Variants in NFAT5 observed in about 807,000 individuals in gnomAD.
The protein encoded by NFAT5 is nuclear factor of activated T-cells 5.
A neutral mutation model predicts 166.5 loss-of-function variants in NFAT5; 31 were observed. The ratio of observed to expected loss-of-function variants is 0.19; its 90% confidence interval spans 0.14 to 0.25. The LOEUF is 0.25. NFAT5 is among the 10% of genes least tolerant of loss of function. NFAT5 has a pLI of 1.00. For synonymous variants in NFAT5, 612 were observed against 639.7 expected (o/e 0.96, Z 0.65); for missense variants, 1,449 against 1,821.8 (o/e 0.80, Z 3.72).
At chr16:69,622,320 T>G (rs2034237531) in intron 2 of NFAT5, among the ~76,000 whole-genome samples, 1 of 152,242 alleles carries the variant, frequency 6.6e-6, no homozygotes, top group Admixed American at 6.5e-5. Context: ...AATGACTATA[T>G]GAACTGTAGC....
At chr16:69,591,267 A>C (rs1486519021) in intron 2 of NFAT5, among the ~76,000 whole-genome samples, 1 of 152,094 alleles carries the variant, frequency 6.6e-6, no homozygotes, top group East Asian at 1.9e-4. Flanking sequence ...AGTTGGTATG[A>C]AAAAAGTATT....
At chr16:69,585,311 ATT>A in intron 2 of NFAT5, among the ~76,000 whole-genome samples, 1 of 145,902 alleles carries the variant, frequency 6.9e-6, no homozygotes, top group South Asian at 2.2e-4. Flanking sequence ...GCCCAGCCCA[ATT>A]TTTTTTTTTT....
chr16:69,668,082 T>G (rs1023064067), intron 7 of NFAT5, among the ~76,000 whole-genome samples: 2 of 152,156 alleles, frequency 1.3e-5, no homozygotes, highest in African/African-American at 4.8e-5. Context: ...TTCTCCTGCC[T>G]CAGCCTCCCG....
At chr16:69,664,775 C>T (rs1482781514) in intron 7 of NFAT5, among the ~76,000 whole-genome samples, 2 of 152,120 alleles carry the variant, frequency 1.3e-5, no homozygotes, top group South Asian at 2.1e-4. Context: ...CGCCTGTAAT[C>T]CCAGCACTTT....
chr16:69,688,123 G>A (rs1225176245), intron 11 of NFAT5, among the ~76,000 whole-genome samples: 5 of 149,070 alleles, frequency 3.4e-5, no homozygotes, highest in African/African-American at 1.2e-4. Context: ...GTGAACCCGG[G>A]AAGCGGAGCT....
In NFAT5 at chr16:69,659,813, G is replaced by A. The variant is rs141565383; in HGVS notation, c.1283G>A (p.Arg428His). The A allele has an allele frequency of 1.4e-5, 23 of 1,613,886 alleles. No individual in the cohort carries two copies. Among genetic ancestry groups the A allele is most frequent in the East Asian group, 2.2e-5 (1 of 44,872 alleles). Reference sequence around the variant, plus strand: ...GCTGGTTCCAAGAAGAAAAGCACTCGTGCCAGATTGGTTTTTCGAGTTAAT... The same window carrying A: ...GCTGGTTCCAAGAAGAAAAGCACTCATGCCAGATTGGTTTTTCGAGTTAAT... Reference protein sequence around the residue: ...GIAGSKKKSTRARLVFRVNIM... With the variant: ...GIAGSKKKSTHARLVFRVNIM... The change falls in exon 7 of 15, where the codon CGT becomes CAT. Residue 428 changes from arginine to histidine, a missense_variant. Transcript: ENST00000349945.
At chr16:69,662,925 A>G (rs1191780084) in intron 7 of NFAT5, among the ~76,000 whole-genome samples, 2 of 152,210 alleles carry the variant, frequency 1.3e-5, no homozygotes, top group Non-Finnish European at 2.9e-5. Flanking sequence ...ACAGGACCCA[A>G]AAAATCTTTT....
intron 2 of NFAT5, among the ~76,000 whole-genome samples, chr16:69,609,819 GAAAAA>G (rs1157655325): frequency 1.3e-5 from 1 of 75,322 alleles, no homozygotes; most frequent in African/African-American, 4.4e-5. Context: ...TGTCTCTACT[GAAAAA>G]AAAAAAAAAA....
intron 11 of NFAT5, 55 bp downstream of exon 11, chr16:69,685,025 C>A: frequency 8.7e-7 from 1 of 1,144,910 alleles, no homozygotes; most frequent in Non-Finnish European, 1.3e-6. Flanking sequence ...TATGTTTTCT[C>A]TAGCACACCT....
intron 2 of NFAT5, among the ~76,000 whole-genome samples, chr16:69,610,480 C>CATTATTGAACAATA (rs2151555618): frequency 6.6e-6 from 1 of 152,250 alleles, no homozygotes; most frequent in African/African-American, 2.4e-5. Context: ...TTATTAAGCA[C>CATTATTGAACAATA]ATTATTGAAA....
chr16:69,621,052 G>A (rs528374191), intron 2 of NFAT5, among the ~76,000 whole-genome samples: 235 of 152,156 alleles, frequency 1.5e-3, no homozygotes, highest in African/African-American at 5.5e-3. Context: ...ACTGAATTTA[G>A]GATAACTGCC....
intron 2 of NFAT5, among the ~76,000 whole-genome samples, chr16:69,598,281 A>G (rs1053265770): frequency 6.6e-6 from 1 of 151,260 alleles, no homozygotes; most frequent in African/African-American, 2.4e-5. Flanking sequence ...AGGAGCCTGA[A>G]GTAGGTGGAT....
At chr16:69,615,607 T>G (rs1046916001) in intron 2 of NFAT5, among the ~76,000 whole-genome samples, 1 of 152,172 alleles carries the variant, frequency 6.6e-6, no homozygotes, top group Non-Finnish European at 1.5e-5. Context: ...TTTTTCTATC[T>G]GTACATATTG....
intron 6 of NFAT5, among the ~76,000 whole-genome samples, chr16:69,659,152 A>T (rs1292982580): frequency 6.6e-6 from 1 of 151,006 alleles, no homozygotes; most frequent in African/African-American, 2.4e-5. Context: ...TTTAAAAAAA[A>T]GGTCTCTGGC....
chr16:69,597,655 G>A (rs1246746897), intron 2 of NFAT5, among the ~76,000 whole-genome samples: 1 of 151,262 alleles, frequency 6.6e-6, no homozygotes, highest in African/African-American at 2.4e-5. Flanking sequence ...GCAGTGGCGC[G>A]ATCTCAGCTC....
chr16:69,667,664 A>G (rs985842011), intron 7 of NFAT5, among the ~76,000 whole-genome samples: 3 of 152,202 alleles, frequency 2.0e-5, no homozygotes, highest in Admixed American at 2.0e-4. Flanking sequence ...GTAATCAGTG[A>G]AGTGGAATTT....
Position 69,647,014 on chromosome 16 carries a change from A to C in NFAT5, c.254-14A>C. ...ACATGTATAGTGTATTTACTCTTGA[A>C]TTGTACACTGCAGATGCTTCTTCAG... is the stretch of plus-strand genomic sequence containing the variant. On this transcript the variant is annotated splice_polypyrimidine_tract_variant and intron_variant, in intron 3 of 14. Coordinates refer to ENST00000349945, the MANE Select transcript of NFAT5 (RefSeq NM_138713.4). The surrounding 1 kb of genome is among the most constrained non-coding windows in gnomAD (Gnocchi z 4.8). 1 of 1,540,394 alleles carries C rather than the reference A, an allele frequency of 6.5e-7. No homozygotes were observed. The highest frequency in any genetic ancestry group is 1.3e-5 in the South Asian group (1 of 79,798).
At position 69,692,095 on chromosome 16, in the gene NFAT5, A is replaced by G. The variant is rs2037571093; in HGVS notation, c.2270A>G (p.Gln757Arg). The G allele has an allele frequency of 1.2e-6, 2 of 1,613,990 alleles. No homozygotes were observed. Among genetic ancestry groups the G allele is most frequent in the Non-Finnish European group, 1.7e-6 (2 of 1,180,040 alleles). Residue 757 changes from glutamine (Q) to arginine (R), a missense_variant, in exon 13 of 15, where the codon CAA becomes CGA. Physicochemically the swap from Gln to Arg is conservative, Grantham distance 43. This residue lies in a region of NFAT5 where 891 missense variants were observed against 993.0 expected (regional missense o/e 0.90). Transcript: ENST00000349945. ...VNLSQLTEASQQQQQSPLQEQ... is the reference protein window; with the variant it reads ...VNLSQLTEASRQQQQSPLQEQ... Reference sequence around the variant, plus strand: ...TTGTCACAACTGACTGAGGCATCACAACAACAGCAGCAGTCACCACTACAA... The same window carrying G: ...TTGTCACAACTGACTGAGGCATCACGACAACAGCAGCAGTCACCACTACAA...
intron 3 of NFAT5, among the ~76,000 whole-genome samples, chr16:69,637,232 G>A (rs2035006937): frequency 2.0e-5 from 3 of 152,020 alleles, no homozygotes; most frequent in East Asian, 1.9e-4. Flanking sequence ...TGTCCATATC[G>A]CTATCAGCAT....
Sources: gnomAD v4.1 joint callset for allele counts (sites outside exome capture counted in the v4.1 genomes callset) on GRCh38, gnomAD v4.1.1 for gene constraint, gnomAD v4.1.1 regional missense constraint, Gnocchi (gnomAD v3.1) non-coding constraint, MANE v1.5 for transcripts, NCBI Gene and HGNC (gene_info 2026-07-23, HGNC 2026-07-21) for gene names.